The following CBR4 variants were observed in gnomAD, a reference collection of about 807,000 sequenced individuals.
CBR4 encodes 3-oxoacyl-[acyl-carrier-protein] reductase.
A neutral mutation model predicts 21.0 loss-of-function variants in CBR4; 22 were observed. The ratio of observed to expected loss-of-function variants is 1.05; its 90% CI spans 0.75 to 1.50. CBR4 has a LOEUF of 1.50. Among genes scored for constraint, CBR4 ranks in the 40% most tolerant of loss-of-function variants. CBR4 has a pLI of 0.00. For synonymous variants in CBR4, 100 were observed against 104.4 expected (o/e 0.96, Z 0.26); for missense variants, 302 against 286.3 (o/e 1.05, Z -0.40).
chr4:168,899,950 A>G (rs1756117665), intron 2 of CBR4, among the ~76,000 whole-genome samples: 1 of 152,042 alleles, frequency 6.6e-6, no homozygotes, highest in African/African-American at 2.4e-5. Flanking sequence ...AATAGGCTTT[A>G]CTGGCTCACA....
At chr4:168,966,356 C>CAAAAAAAAAAAAAAAAA (rs1215042926) in intron 2 of CBR4, among the ~76,000 whole-genome samples, 3 of 75,182 alleles carry the variant, frequency 4.0e-5, no homozygotes, top group African/African-American at 5.5e-5. Flanking sequence ...ACTAAAAATA[C>CAAAAAAAAAAAAAAAAA]AAAAAAAAAA....
At chr4:168,966,356 CAAAAAAAAA>C (rs1215042926) in intron 2 of CBR4, among the ~76,000 whole-genome samples, 2 of 75,182 alleles carry the variant, frequency 2.7e-5, no homozygotes, top group Non-Finnish European at 4.9e-5. Context: ...ACTAAAAATA[CAAAAAAAAA>C]AAAAAAAAAA....
Position 169,009,137 on chromosome 4 carries a change from T to A in CBR4, c.142+811A>T, listed in dbSNP as rs559742162. 7.0e-4 allele frequency: 298 copies of A among 425,494 alleles called. 1 individual carries two copies. The highest frequency in any genetic ancestry group is 5.6e-3 in the African/African-American group (267 of 47,558). 26.4% of individuals were successfully genotyped at this position (425,494 alleles called of 1,614,324 possible). A position where few individuals can be genotyped will look rare whatever the true frequency, so the allele number is the denominator to read the frequency against. On this transcript the variant is annotated intron_variant, in intron 1 of 4. Coordinates refer to ENST00000306193, the MANE Select transcript of CBR4 (RefSeq NM_032783.5). ...CACCCCTAGGCCTCTATTCTCCCCA[T>A]GCCTCCCTGATAGTAAATGAAGTAT... is the stretch of plus-strand genomic sequence containing the variant.
chr4:169,006,780 T>G lies in CBR4; in HGVS notation c.375A>C (p.Gln125His), dbSNP rs775325151. 5 of 1,613,998 alleles carry G rather than the reference T, an allele frequency of 3.1e-6. No homozygotes were observed. In the South Asian group the frequency reaches 5.5e-5, roughly 18 times the overall value. The change falls in exon 3 of 5, where the codon CAA becomes CAC. Residue 125 changes from glutamine to histidine, a missense_variant. Physicochemically the swap from Gln to His is conservative, Grantham distance 24 (BLOSUM62 0). Transcript: ENST00000306193. ...CKAAMRTMIQ[Q>H]QGGSIVNVGS... ...CTACATTAACAATAGACCCTCCCTG[T>G]TGTTGAATCATAGTCCTCATGGCAG...
intron 2 of CBR4, chr4:168,896,595 A>C: frequency 6.6e-7 from 1 of 1,504,660 alleles, no homozygotes; most frequent in Non-Finnish European, 8.9e-7. Context: ...CTGGATGGTC[A>C]AAAGGTTAAG....
At chr4:168,994,394 C>A (rs1453474042) in intron 4 of CBR4, among the ~76,000 whole-genome samples, 4 of 152,204 alleles carry the variant, frequency 2.6e-5, no homozygotes, top group Non-Finnish European at 5.9e-5. Flanking sequence ...ATGGCCATCA[C>A]AAACAGGTCA....
intron 1 of CBR4, among the ~76,000 whole-genome samples, chr4:169,008,327 AAC>A (rs1264052993): frequency 6.6e-6 from 1 of 152,204 alleles, no homozygotes; most frequent in Non-Finnish European, 1.5e-5. Flanking sequence ...GGGGGAAAAA[AAC>A]ACTTTTTACT....
intron 2 of CBR4, among the ~76,000 whole-genome samples, chr4:168,937,295 A>G (rs1763139984): frequency 6.6e-6 from 1 of 152,216 alleles, no homozygotes; most frequent in African/African-American, 2.4e-5. Flanking sequence ...CTGACTTACA[A>G]GAGCTCCTGA....
At chr4:168,984,993 TG>T (rs1291310342), downstream of CBR4, among the ~76,000 whole-genome samples, 1 of 152,060 alleles carries the variant, frequency 6.6e-6, no homozygotes, top group Non-Finnish European at 1.5e-5. Context: ...ATTCTGGACA[TG>T]GGCCCAGGTA....
intron 1 of CBR4, 133 bp downstream of exon 1, chr4:169,009,815 A>G: frequency 2.5e-6 from 2 of 794,444 alleles, no homozygotes; most frequent in South Asian, 1.9e-5. Flanking sequence ...TTGGAACGGG[A>G]GAGCGCCTGC....
At chr4:168,914,394 T>A (rs899445129) in intron 2 of CBR4, among the ~76,000 whole-genome samples, 4 of 152,198 alleles carry the variant, frequency 2.6e-5, no homozygotes, top group Admixed American at 2.0e-4. Flanking sequence ...GACGCACACA[T>A]TAAAAGCTAT....
chr4:168,907,035 T>TTCTA (rs984693922), intron 2 of CBR4, among the ~76,000 whole-genome samples: 1 of 152,150 alleles, frequency 6.6e-6, no homozygotes, highest in Non-Finnish European at 1.5e-5. Context: ...TCAGCTGGAA[T>TTCTA]TCTAGCTCTG....
intron 2 of CBR4, among the ~76,000 whole-genome samples, chr4:168,907,121 GATAATA>G (rs149118003): frequency 8.6e-5 from 13 of 150,966 alleles, no homozygotes; most frequent in African/African-American, 2.9e-4. Context: ...AAATGAGGAT[GATAATA>G]ATAATAATAA....
chr4:168,966,970 G>A (rs985591528), intron 2 of CBR4, among the ~76,000 whole-genome samples: 1 of 150,982 alleles, frequency 6.6e-6, no homozygotes, highest in African/African-American at 2.4e-5. Flanking sequence ...AGTCCAGATT[G>A]CGCCACTGCA....
intron 2 of CBR4, among the ~76,000 whole-genome samples, chr4:168,902,719 A>C (rs1259600169): frequency 6.6e-6 from 1 of 152,198 alleles, no homozygotes; most frequent in Non-Finnish European, 1.5e-5. Context: ...GAGGGAAGGA[A>C]GGAGGACCCT....
chr4:168,968,595 T>G (rs1764112103), intron 2 of CBR4, among the ~76,000 whole-genome samples: 1 of 152,228 alleles, frequency 6.6e-6, no homozygotes, highest in Non-Finnish European at 1.5e-5. Flanking sequence ...AAGATACCGT[T>G]TCTGGTATAG....
At chr4:168,999,752 T>G (rs1730257079) in intron 4 of CBR4, among the ~76,000 whole-genome samples, 1 of 152,060 alleles carries the variant, frequency 6.6e-6, no homozygotes, top group African/African-American at 2.4e-5. Flanking sequence ...GGATTCCCAC[T>G]ATTTAGTCTA....
chr4:168,967,474 G>A (rs1452478323), intron 2 of CBR4, among the ~76,000 whole-genome samples: 1 of 152,134 alleles, frequency 6.6e-6, no homozygotes, highest in East Asian at 1.9e-4. Flanking sequence ...TCTGCACATT[G>A]TGCACATGTA....
Position 169,002,212 on chromosome 4 carries a change from C to CAAAA in CBR4, c.401-11_401-8dup, listed in dbSNP as rs60552620. The CAAAA allele has an allele frequency of 2.3e-5, 23 of 1,016,896 alleles. No homozygotes were observed. Among genetic ancestry groups the CAAAA allele is most frequent in the African/African-American group, 1.9e-4 (7 of 37,608 alleles). The allele number at this position is 1,016,896 out of a possible 1,614,324, so 63.0% of individuals were successfully genotyped here. On this transcript the variant is annotated splice_region_variant and splice_polypyrimidine_tract_variant and intron_variant, in intron 3 of 4. Transcript: ENST00000306193. ...TTTAAGCCAACAATGCTTCCTAGGA[C>CAAAA]AAAAAAAAAAAAAAAAAAAAAAAAA... is the stretch of plus-strand genomic sequence containing the variant.
Sources: gnomAD v4.1 joint callset for allele counts (sites outside exome capture counted in the v4.1 genomes callset) on GRCh38, gnomAD v4.1.1 for gene constraint, MANE v1.5 for transcripts, NCBI Gene and HGNC (gene_info 2026-07-23, HGNC 2026-07-21) for gene names.